The following SLC4A8 variants were observed in gnomAD, a reference collection of about 807,000 sequenced individuals.
The protein encoded by SLC4A8 is solute carrier family 4 member 8.
SLC4A8 carries 40 observed loss-of-function variants against 125.0 expected under a neutral mutation model. The observed-to-expected ratio is 0.32, with a 90% CI of 0.25 to 0.42. SLC4A8 has a LOEUF of 0.42. Among genes scored for constraint, SLC4A8 ranks in the 10% least tolerant of loss-of-function variants. SLC4A8 has a pLI of 1.00. For synonymous variants in SLC4A8, 456 were observed against 476.0 expected, an observed-to-expected ratio of 0.96 and a Z score of 0.55; for missense variants, 863 against 1,355.1, an observed-to-expected ratio of 0.64 and a Z score of 5.70.
In SLC4A8 at chr12:51,469,748, C is replaced by T; in HGVS notation, c.1484C>T (p.Thr495Ile). ...LYCACMSPVI[T>I]FGGLLGEATE... Reference sequence around the variant, plus strand: ...TGTGCCTGCATGTCACCTGTCATCACCTTTGGGGGACTGCTTGGAGAAGCC... The same window carrying T: ...TGTGCCTGCATGTCACCTGTCATCATCTTTGGGGGACTGCTTGGAGAAGCC... Residue 495 changes from threonine (T) to isoleucine (I), a missense_variant, in exon 12 of 25, where the codon ACC becomes ATC. Around this residue, in one of 6 missense-constraint regions of SLC4A8, gnomAD observed 390 missense variants for 634.4 expected, o/e 0.61. Transcript: ENST00000453097. The T allele has an allele frequency of 6.2e-7, 1 of 1,614,078 alleles. No individual in the cohort carries two copies. Among genetic ancestry groups the T allele is most frequent in the East Asian group, 2.2e-5 (1 of 44,876 alleles).
intron 1 of SLC4A8, among the ~76,000 whole-genome samples, chr12:51,415,589 A>C (rs1592149496): frequency 6.6e-6 from 1 of 152,066 alleles, no homozygotes; most frequent in East Asian, 1.9e-4. Context: ...TCTCAGAATA[A>C]TGTGTGTTGA....
intron 1 of SLC4A8, chr12:51,425,329 C>A (rs1016290619): frequency 8.1e-7 from 1 of 1,238,388 alleles, no homozygotes; most frequent in Non-Finnish European, 1.0e-6. Flanking sequence ...GTTCTCCTCG[C>A]GTCTTTCTGT....
At position 51,511,283 on chromosome 12, in the gene SLC4A8, A is replaced by C. The variant is rs1248424501; in HGVS notation, c.*3845A>C. The C allele has an allele frequency of 6.6e-6, 1 of 152,224 alleles. No homozygotes were observed. The highest frequency in any genetic ancestry group is 2.4e-5 in the African/African-American group (1 of 41,452). 9.4% of individuals were successfully genotyped at this position (152,224 alleles called of 1,614,324 possible). On this transcript the variant is annotated 3_prime_UTR_variant, in exon 25 of 25. Transcript: ENST00000453097. ...AGCATCTGGATGGCAAATTGCCTTCACGTAGGGAAACCACATGGGACTGAT... is the reference window on the plus strand; with the variant it reads ...AGCATCTGGATGGCAAATTGCCTTCCCGTAGGGAAACCACATGGGACTGAT...
At position 51,515,187 on chromosome 12, in the gene SLC4A8, T is replaced by C. The variant is rs1381623126; in HGVS notation, c.*7749T>C. Reference sequence around the variant, plus strand: ...TGCAGGCTTTTCACATGTGCAATAATGCTGGAAACAGAAGCACCAAACTGA... The same window carrying C: ...TGCAGGCTTTTCACATGTGCAATAACGCTGGAAACAGAAGCACCAAACTGA... On this transcript the variant is annotated 3_prime_UTR_variant, in exon 25 of 25. Transcript: ENST00000453097. 3.3e-5 allele frequency: 5 copies of C among 152,270 alleles called. No homozygotes were observed. The highest frequency in any genetic ancestry group is 1.2e-4 in the African/African-American group (5 of 41,482). 9.4% of individuals were successfully genotyped at this position (152,270 alleles called of 1,614,324 possible).
chr12:51,478,951 C>T (rs1234326613), intron 16 of SLC4A8, among the ~76,000 whole-genome samples: 2 of 152,234 alleles, frequency 1.3e-5, no homozygotes, highest in African/African-American at 4.8e-5. Context: ...CTCATCTGCA[C>T]AATGATGTGA....
At chr12:51,403,118 T>G in intron 1 of SLC4A8, 4 of 212,936 alleles carry the variant, frequency 1.9e-5, no homozygotes, top group Non-Finnish European at 4.8e-5. Flanking sequence ...AGGTAATAGG[T>G]ATAAACTGCT....
At chr12:51,428,250 A>G (rs556988670) in intron 1 of SLC4A8, among the ~76,000 whole-genome samples, 10 of 152,264 alleles carry the variant, frequency 6.6e-5, no homozygotes, top group African/African-American at 2.4e-4. Flanking sequence ...CTTATAACAT[A>G]TGACTTACCT....
At chr12:51,457,112 C>A (rs890376077) in intron 5 of SLC4A8, among the ~76,000 whole-genome samples, 1 of 152,176 alleles carries the variant, frequency 6.6e-6, no homozygotes, top group Non-Finnish European at 1.5e-5. Flanking sequence ...AATTGTTGTA[C>A]TAGTGCTCAA....
intron 1 of SLC4A8, 26 bp from the exon 2 acceptor site, chr12:51,440,682 G>T: frequency 6.3e-7 from 1 of 1,586,570 alleles, no homozygotes; most frequent in Non-Finnish European, 8.6e-7. Context: ...GTGTATTACT[G>T]TGACTACTTA....
intron 4 of SLC4A8, among the ~76,000 whole-genome samples, chr12:51,453,162 A>AT (rs1306585875): frequency 4.6e-5 from 7 of 152,210 alleles, no homozygotes; most frequent in Non-Finnish European, 7.3e-5. Context: ...GATTAAATCT[A>AT]TTTTTTTAAT....
intron 19 of SLC4A8, among the ~76,000 whole-genome samples, chr12:51,493,483 C>G (rs1951374858): frequency 6.6e-6 from 1 of 152,112 alleles, no homozygotes; most frequent in Admixed American, 6.6e-5. Flanking sequence ...GTCTAACTTA[C>G]ATGTAATCAT....
chr12:51,404,908 C>T (rs570313323), intron 1 of SLC4A8, among the ~76,000 whole-genome samples: 7 of 151,882 alleles, frequency 4.6e-5, no homozygotes, highest in Non-Finnish European at 8.8e-5. Context: ...GTTTTTGTCA[C>T]TTTCAACCAA....
intron 1 of SLC4A8, among the ~76,000 whole-genome samples, chr12:51,394,410 T>C (rs1948220505): frequency 6.6e-6 from 1 of 152,226 alleles, no homozygotes; most frequent in African/African-American, 2.4e-5. Context: ...TGTTCTCTCC[T>C]AACAGGAAGG....
intron 12 of SLC4A8, 35 bp from the exon 13 acceptor site, chr12:51,470,357 G>A (rs940373851): frequency 6.2e-7 from 1 of 1,609,526 alleles, no homozygotes; most frequent in Non-Finnish European, 8.5e-7. Context: ...GTACTGATGG[G>A]CTATGGACTC....
At chr12:51,490,060 C>T in intron 19 of SLC4A8, 109 bp downstream of exon 19, 1 of 1,051,926 alleles carries the variant, frequency 9.5e-7, no homozygotes, top group Non-Finnish European at 1.4e-6. Flanking sequence ...GTATAAATCC[C>T]TGCCCTGAAA....
chr12:51,480,490 A>G (rs1385744321), intron 16 of SLC4A8: 10 of 1,038,546 alleles, frequency 9.6e-6, no homozygotes, highest in Admixed American at 5.4e-5. Flanking sequence ...ACATGGTGGT[A>G]TAATTGTGAA....
intron 1 of SLC4A8, among the ~76,000 whole-genome samples, chr12:51,402,729 T>C (rs1948415595): frequency 6.6e-6 from 1 of 152,006 alleles, no homozygotes; most frequent in Non-Finnish European, 1.5e-5. Flanking sequence ...TCTCAAAAAA[T>C]AAAAAATGAA....
chr12:51,474,287 T>G (rs1460658201), intron 14 of SLC4A8, 55 bp from the exon 15 acceptor site: 3 of 1,171,028 alleles, frequency 2.6e-6, no homozygotes, highest in Non-Finnish European at 3.7e-6. Flanking sequence ...TCTAAAAACA[T>G]TTAACTGAGT....
In SLC4A8 at chr12:51,450,820, T is replaced by C. The variant is rs2138184505; in HGVS notation, c.131-56T>C. ...CTTAACTATGCTAGGCTTTTTGTTG[T>C]TGTTGTTTTTTAAAACTAAAGGAGT... is the stretch of plus-strand genomic sequence containing the variant. On this transcript the variant is annotated intron_variant, in intron 2 of 24. Coordinates refer to ENST00000453097, the MANE Select transcript of SLC4A8 (RefSeq NM_001039960.3). 7.6e-6 allele frequency: 12 copies of C among 1,586,756 alleles called. No homozygotes were observed. In the South Asian group the frequency reaches 1.2e-4, roughly 16 times the overall value.
Sources: allele counts gnomAD v4.1 joint callset (sites outside exome capture counted in the v4.1 genomes callset), GRCh38; gene constraint gnomAD v4.1.1; regional missense constraint gnomAD v4.1.1; transcripts MANE v1.5; gene names NCBI Gene and HGNC (gene_info 2026-07-23, HGNC 2026-07-21).